The following CORO2B variants were observed in gnomAD, a reference collection of about 807,000 sequenced individuals.
CORO2B encodes coronin-2B.
In CORO2B, 26 loss-of-function variants were observed where a neutral mutation model predicts 58.8. The observed-to-expected ratio is 0.44, with a 90% CI of 0.32 to 0.61. The LOEUF is 0.61. Ranked by LOEUF, CORO2B falls within the 20% of genes least tolerant of loss-of-function variation. The probability of loss-of-function intolerance (pLI) is 0.04; values close to 1 mark genes in which losing one functional copy is unlikely to be tolerated. For missense variants in CORO2B, 460 were observed against 645.1 expected, an observed-to-expected ratio of 0.71 and a Z score of 3.11; for synonymous variants, 242 against 253.8, an observed-to-expected ratio of 0.95 and a Z score of 0.44.
intron 2 of CORO2B, among the ~76,000 whole-genome samples, chr15:68,685,367 C>T (rs1422127894): frequency 2.0e-5 from 3 of 152,130 alleles, no homozygotes; most frequent in African/African-American, 7.2e-5. Context: ...CGTGTCACCA[C>T]ATCCAGCTAA....
the CORO2B span, among the ~76,000 whole-genome samples, chr15:68,531,555 G>GAAAGA: frequency 0.028 from 2,199 of 77,574 alleles, 22 homozygotes; most frequent in Non-Finnish European, 0.04. Context: ...AAGGAAGGAA[G>GAAAGA]GAAAGAAAGA....
chr15:68,624,057 C>T (rs760691322), intron 1 of CORO2B, among the ~76,000 whole-genome samples: 2 of 152,096 alleles, frequency 1.3e-5, no homozygotes, highest in Non-Finnish European at 2.9e-5. Context: ...ACTGGGGTGG[C>T]GGGTCCTGCT....
Position 68,718,818 on chromosome 15 carries a change from G to T in CORO2B, c.1080+8G>T, listed in dbSNP as rs1304927925. ...ATGATCGTGCCCCGGAGGGTAAGTGGGGCTGGGCTGGGCTCCAGGAGGGGG... is the reference window on the plus strand; with the variant it reads ...ATGATCGTGCCCCGGAGGGTAAGTGTGGCTGGGCTGGGCTCCAGGAGGGGG... On this transcript the variant is annotated splice_region_variant and intron_variant, in intron 9 of 11. Coordinates refer to ENST00000261861, the MANE Select transcript of CORO2B (RefSeq NM_006091.5). The T allele has an allele frequency of 6.2e-7, 1 of 1,605,584 alleles. No individual in the cohort carries two copies. The highest frequency in any genetic ancestry group is 1.1e-5 in the South Asian group (1 of 90,832).
the CORO2B span, among the ~76,000 whole-genome samples, chr15:68,521,080 G>A: frequency 6.6e-6 from 1 of 152,054 alleles, no homozygotes; most frequent in African/African-American, 2.4e-5. Flanking sequence ...TTTAAATGAA[G>A]TATTTAATTC....
intron 11 of CORO2B, among the ~76,000 whole-genome samples, chr15:68,724,211 CAAAT>C (rs765619228): frequency 3.9e-5 from 6 of 152,144 alleles, no homozygotes; most frequent in African/African-American, 7.2e-5. Context: ...CAAAAACAAA[CAAAT>C]AAATAAATAA....
At chr15:68,590,516 C>A (rs915198753) in intron 1 of CORO2B, among the ~76,000 whole-genome samples, 2 of 152,020 alleles carry the variant, frequency 1.3e-5, no homozygotes, top group African/African-American at 4.8e-5. Flanking sequence ...CTGGCTGCAC[C>A]GCCCCATGCA....
chr15:68,559,790 C>T, the CORO2B span, among the ~76,000 whole-genome samples: 1 of 152,196 alleles, frequency 6.6e-6, no homozygotes, highest in Non-Finnish European at 1.5e-5. This position sits in a 1 kb window ranked among gnomAD's most constrained non-coding sequence, Gnocchi z 4.3. Context: ...GGGGGCGCGG[C>T]CCGCATCCTT....
chr15:68,557,793 C>T, the CORO2B span, among the ~76,000 whole-genome samples: 4 of 152,224 alleles, frequency 2.6e-5, no homozygotes, highest in African/African-American at 4.8e-5. Flanking sequence ...GTTTGCACCA[C>T]GCTAACTGGG....
chr15:68,691,903 G>A (rs531880293), intron 2 of CORO2B, among the ~76,000 whole-genome samples: 202 of 152,286 alleles, frequency 1.3e-3, no homozygotes, highest in Non-Finnish European at 2.5e-3. Flanking sequence ...TGCCTGGGCT[G>A]GGCTGGGTGC....
At chr15:68,669,150 A>AAAAAG (rs2084362858) in intron 2 of CORO2B, among the ~76,000 whole-genome samples, 1 of 151,658 alleles carries the variant, frequency 6.6e-6, no homozygotes, top group African/African-American at 2.4e-5. Flanking sequence ...AAGAAGAAAG[A>AAAAAG]AAAAGAAAAG....
chr15:68,540,159 T>C, the CORO2B span, among the ~76,000 whole-genome samples: 1 of 152,242 alleles, frequency 6.6e-6, no homozygotes. Flanking sequence ...TTTAAATGGA[T>C]TTTTGCCTGT....
At chr15:68,658,259 G>A (rs1017784233) in intron 2 of CORO2B, among the ~76,000 whole-genome samples, 1 of 152,052 alleles carries the variant, frequency 6.6e-6, no homozygotes, top group African/African-American at 2.4e-5. Flanking sequence ...CCAGGGAGAG[G>A]GAACAGCTGG....
chr15:68,663,544 A>G lies in CORO2B; in HGVS notation c.216+18184A>G, dbSNP rs79517835. Among the ~76,000 whole-genome samples the G allele has an allele frequency of 9.8e-3, 1,493 of 152,338 alleles. 9 individuals carry two copies. Among genetic ancestry groups the G allele is most frequent in the Middle Eastern group, 0.017 (5 of 294 alleles). ...TAGTAGGAAGTTTTCTTAACAGGAC[A>G]CAGAAAGCAATAGCTATAAAACAAT... is the stretch of plus-strand genomic sequence containing the variant. On this transcript the variant is annotated intron_variant, in intron 2 of 11. Transcript: ENST00000261861.
At chr15:68,715,968 G>A (rs903619481) in intron 8 of CORO2B, among the ~76,000 whole-genome samples, 22 of 152,152 alleles carry the variant, frequency 1.4e-4, no homozygotes, top group East Asian at 7.7e-4. Flanking sequence ...GGGACCTCCC[G>A]TTCCCACCTC....
At chr15:68,609,998 CCTT>C (rs1343172283) in intron 1 of CORO2B, among the ~76,000 whole-genome samples, 2 of 152,222 alleles carry the variant, frequency 1.3e-5, no homozygotes, top group Non-Finnish European at 2.9e-5. Flanking sequence ...TACCCACCCT[CCTT>C]CTCTTGATAA....
intron 1 of CORO2B, among the ~76,000 whole-genome samples, chr15:68,600,602 G>A (rs1427770522): frequency 1.3e-5 from 2 of 152,200 alleles, no homozygotes; most frequent in East Asian, 1.9e-4. Context: ...TGTGGATGTG[G>A]CTTTTGGGGC....
At chr15:68,643,869 T>A (rs1901335758) in intron 1 of CORO2B, among the ~76,000 whole-genome samples, 1 of 152,008 alleles carries the variant, frequency 6.6e-6, no homozygotes, top group Non-Finnish European at 1.5e-5. Flanking sequence ...GAAATCTGTC[T>A]CTACTAAAAA....
At chr15:68,546,716 G>A in the CORO2B span, among the ~76,000 whole-genome samples, 1 of 152,214 alleles carries the variant, frequency 6.6e-6, no homozygotes, top group African/African-American at 2.4e-5. Flanking sequence ...ATGTGGCCTT[G>A]TTATGCTCCT....
At chr15:68,599,396 ATGT>A (rs1899917957) in intron 1 of CORO2B, among the ~76,000 whole-genome samples, 1 of 152,116 alleles carries the variant, frequency 6.6e-6, no homozygotes, top group African/African-American at 2.4e-5. Context: ...GGCCCTATAG[ATGT>A]TCAATTACAG....
Sources: allele counts gnomAD v4.1 joint callset (sites outside exome capture counted in the v4.1 genomes callset), GRCh38; gene constraint gnomAD v4.1.1; non-coding constraint Gnocchi (gnomAD v3.1); transcripts MANE v1.5; gene names NCBI Gene and HGNC (gene_info 2026-07-23, HGNC 2026-07-21).